GMDS: variants seen among roughly 807,000 people sequenced by gnomAD.
GMDS encodes GDP-mannose 4,6 dehydratase.
GMDS carries 20 observed loss-of-function variants against 49.9 expected under a neutral mutation model. The ratio of observed to expected loss-of-function variants is 0.40; its 90% CI spans 0.28 to 0.58. The LOEUF is 0.58. Ranked by LOEUF, GMDS falls within the 20% of genes least tolerant of loss-of-function variation. The pLI, the probability that GMDS is intolerant of heterozygous loss-of-function variation, is 0.42. For missense variants in GMDS, 362 were observed against 481.4 expected (o/e 0.75, Z 2.32); for synonymous variants, 177 against 178.6 (o/e 0.99, Z 0.07).
intron 9 of GMDS, among the ~76,000 whole-genome samples, chr6:1,712,954 A>G (rs1401990810): frequency 6.6e-6 from 1 of 152,240 alleles, no homozygotes; most frequent in Non-Finnish European, 1.5e-5. Context: ...GTGGATGACC[A>G]GGGACACGGG....
intron 1 of GMDS, among the ~76,000 whole-genome samples, chr6:2,142,100 T>C (rs562196008): frequency 3.3e-5 from 5 of 152,312 alleles, no homozygotes; most frequent in African/African-American, 1.2e-4. Flanking sequence ...GACCTTACTA[T>C]TTAAGTTTTA....
chr6:1,707,912 G>A (rs954345719), intron 9 of GMDS, among the ~76,000 whole-genome samples: 1 of 152,244 alleles, frequency 6.6e-6, no homozygotes, highest in South Asian at 2.1e-4. Flanking sequence ...TTTAAAACAC[G>A]CTTTCTGGGA....
At chr6:2,024,487 A>G (rs1407367687) in intron 4 of GMDS, among the ~76,000 whole-genome samples, 2 of 152,200 alleles carry the variant, frequency 1.3e-5, no homozygotes, top group African/African-American at 4.8e-5. Flanking sequence ...ATTACTGGAA[A>G]GCAATAAATC....
chr6:2,076,341 A>C (rs1321861548), intron 4 of GMDS, among the ~76,000 whole-genome samples: 1 of 152,168 alleles, frequency 6.6e-6, no homozygotes, highest in African/African-American at 2.4e-5. Context: ...TGCCCAAGGT[A>C]ATTTATAGAT....
At chr6:1,912,136 C>T (rs1056596018) in intron 7 of GMDS, among the ~76,000 whole-genome samples, 8 of 152,064 alleles carry the variant, frequency 5.3e-5, no homozygotes, top group African/African-American at 9.7e-5. Flanking sequence ...GAGGCTGAGG[C>T]GGGTGGATCA....
At chr6:2,159,516 T>A (rs977165718) in intron 1 of GMDS, among the ~76,000 whole-genome samples, 10 of 135,314 alleles carry the variant, frequency 7.4e-5, no homozygotes, top group African/African-American at 2.2e-4. Flanking sequence ...CTTTTTTTCT[T>A]TTTTTTTTTT....
chr6:2,184,020 T>C (rs921672970), intron 1 of GMDS, among the ~76,000 whole-genome samples: 4 of 152,242 alleles, frequency 2.6e-5, no homozygotes, highest in Admixed American at 2.6e-4. Context: ...AACTTGTATA[T>C]GCATAAGTTA....
At chr6:2,235,554 C>A (rs774178741) in intron 1 of GMDS, among the ~76,000 whole-genome samples, 1 of 151,940 alleles carries the variant, frequency 6.6e-6, no homozygotes, top group Non-Finnish European at 1.5e-5. Context: ...ACCTGCAATA[C>A]CAGCACTTGG....
intron 4 of GMDS, among the ~76,000 whole-genome samples, chr6:2,104,080 A>G (rs1313406096): frequency 3.3e-5 from 5 of 152,198 alleles, no homozygotes; most frequent in African/African-American, 1.2e-4. Flanking sequence ...GCCAAACTCC[A>G]CAGTGCCCGC....
At chr6:1,870,603 G>A (rs1581278951) in intron 7 of GMDS, among the ~76,000 whole-genome samples, 1 of 152,128 alleles carries the variant, frequency 6.6e-6, no homozygotes, top group Non-Finnish European at 1.5e-5. Context: ...AAGGGAAGGA[G>A]CTACTTAGTT....
At chr6:2,165,948 A>T (rs1324380082) in intron 1 of GMDS, among the ~76,000 whole-genome samples, 2 of 151,918 alleles carry the variant, frequency 1.3e-5, no homozygotes, top group South Asian at 2.1e-4. Context: ...AAATAAAGAT[A>T]AAAAAAAGAA....
chr6:1,744,333 G>A (rs1767401501), intron 7 of GMDS, among the ~76,000 whole-genome samples: 1 of 152,188 alleles, frequency 6.6e-6, no homozygotes, highest in Admixed American at 6.5e-5. Flanking sequence ...AGTAACTGAC[G>A]GAAGAAATTA....
intron 4 of GMDS, among the ~76,000 whole-genome samples, chr6:2,105,059 G>T (rs1028408012): frequency 5.3e-5 from 8 of 151,772 alleles, no homozygotes; most frequent in East Asian, 1.9e-4. Flanking sequence ...GCAGGCACCT[G>T]TAGTCCCAGC....
intron 4 of GMDS, among the ~76,000 whole-genome samples, chr6:2,079,310 A>G (rs1772535352): frequency 6.6e-6 from 1 of 151,768 alleles, no homozygotes; most frequent in Non-Finnish European, 1.5e-5. Flanking sequence ...TGTTCCTATT[A>G]TATTGTTATT....
At chr6:2,076,423 A>G (rs1032599602) in intron 4 of GMDS, among the ~76,000 whole-genome samples, 12 of 152,184 alleles carry the variant, frequency 7.9e-5, no homozygotes, top group Admixed American at 6.5e-5. Context: ...TAAAGTTCAT[A>G]TGGAACCAAA....
At position 1,683,624 on chromosome 6, in the gene GMDS, T is replaced by C. The variant is rs142051166; in HGVS notation, c.987+42792A>G. Among the ~76,000 whole-genome samples the C allele has an allele frequency of 3.0e-3, 464 of 152,312 alleles. 1 individual carries two copies. The highest frequency in any genetic ancestry group is 4.7e-3 in the Non-Finnish European group (322 of 68,018). On this transcript the variant is annotated intron_variant, in intron 9 of 10. Transcript: ENST00000380815. ...GCTTTCAAGGATGAGGATCGGTTAT[T>C]ACATAGAAATGACACGATACACGCA...
intron 4 of GMDS, among the ~76,000 whole-genome samples, chr6:2,008,995 C>T (rs1256262688): frequency 6.6e-6 from 1 of 152,192 alleles, no homozygotes; most frequent in Non-Finnish European, 1.5e-5. Context: ...ATGTTAAGTG[C>T]TGTTATTACT....
intron 4 of GMDS, among the ~76,000 whole-genome samples, chr6:2,051,299 T>C (rs1770382293): frequency 6.6e-6 from 1 of 152,186 alleles, no homozygotes; most frequent in Non-Finnish European, 1.5e-5. Context: ...TTTGTTGTTT[T>C]AAGCCACTAG....
At chr6:2,000,489 T>A (rs1035337105) in intron 4 of GMDS, among the ~76,000 whole-genome samples, 1 of 152,214 alleles carries the variant, frequency 6.6e-6, no homozygotes, top group South Asian at 2.1e-4. Flanking sequence ...ACTCAACTAT[T>A]TTATGTCTCT....
Sources: allele counts gnomAD v4.1 joint callset (sites outside exome capture counted in the v4.1 genomes callset), GRCh38; gene constraint gnomAD v4.1.1; transcripts MANE v1.5; gene names NCBI Gene and HGNC (gene_info 2026-07-23, HGNC 2026-07-21).